Variants in NKAIN2 observed in about 807,000 individuals in gnomAD.
The protein encoded by NKAIN2 is sodium/potassium transporting ATPase interacting 2.
In NKAIN2, 14 loss-of-function variants were observed where a neutral mutation model predicts 32.6. The observed-to-expected ratio is 0.43, with a 90% CI of 0.28 to 0.67. The LOEUF is 0.67. Among genes scored for constraint, NKAIN2 ranks in the 30% least tolerant of loss-of-function variants. The pLI, the probability that NKAIN2 is intolerant of heterozygous loss-of-function variation, is 0.17. For synonymous variants in NKAIN2, 80 were observed against 87.2 expected (o/e 0.92, Z 0.46); for missense variants, 198 against 258.3 (o/e 0.77, Z 1.60).
chr6:124,628,487 A>G (rs546349355), intron 3 of NKAIN2, among the ~76,000 whole-genome samples: 75 of 152,204 alleles, frequency 4.9e-4, no homozygotes, highest in Admixed American at 4.9e-3. Flanking sequence ...AGCAATGGAG[A>G]TGTATTTAAA....
chr6:124,393,946 T>C (rs1773250064), intron 3 of NKAIN2, among the ~76,000 whole-genome samples: 1 of 152,122 alleles, frequency 6.6e-6, no homozygotes, highest in Non-Finnish European at 1.5e-5. Flanking sequence ...AATCCATTGA[T>C]TAAAGTTACA....
intron 3 of NKAIN2, among the ~76,000 whole-genome samples, chr6:124,514,765 G>GAA (rs546177544): frequency 0.11 from 12,125 of 110,224 alleles, 1,536 homozygotes; most frequent in African/African-American, 0.32. Context: ...CTTGGGTATT[G>GAA]AAAAAAAAAA....
intron 1 of NKAIN2, among the ~76,000 whole-genome samples, chr6:124,199,171 T>C (rs1243108087): frequency 2.0e-5 from 3 of 152,188 alleles, no homozygotes; most frequent in Admixed American, 1.3e-4. Context: ...GCACAAACAC[T>C]GGCGTGACAA....
intron 1 of NKAIN2, among the ~76,000 whole-genome samples, chr6:124,200,842 C>A (rs192256117): frequency 1.3e-5 from 2 of 151,906 alleles, no homozygotes; most frequent in Non-Finnish European, 2.9e-5. Flanking sequence ...TATAAATGTG[C>A]GGTTTGTATA....
intron 4 of NKAIN2, among the ~76,000 whole-genome samples, chr6:124,773,899 C>T (rs561509553): frequency 5.9e-5 from 9 of 152,128 alleles, no homozygotes; most frequent in African/African-American, 1.9e-4. Context: ...CTGCCATGGG[C>T]TTCTATTTTC....
At chr6:123,894,168 A>G (rs1017550728) in intron 1 of NKAIN2, among the ~76,000 whole-genome samples, 1 of 152,132 alleles carries the variant, frequency 6.6e-6, no homozygotes, top group African/African-American at 2.4e-5. Context: ...AGGTGTCTCA[A>G]AAATGGACAG....
intron 1 of NKAIN2, among the ~76,000 whole-genome samples, chr6:123,862,161 A>G (rs1234007361): frequency 6.6e-6 from 1 of 151,970 alleles, no homozygotes; most frequent in African/African-American, 2.4e-5. Context: ...AAAATGGGAG[A>G]ATTGTTTATT....
chr6:124,034,033 C>T (rs929064601), intron 1 of NKAIN2, among the ~76,000 whole-genome samples: 1 of 152,048 alleles, frequency 6.6e-6, no homozygotes, highest in African/African-American at 2.4e-5. Flanking sequence ...AATAATATTA[C>T]TGAGCCTGTA....
chr6:124,734,862 A>G (rs1054908929), intron 4 of NKAIN2, among the ~76,000 whole-genome samples: 5 of 151,964 alleles, frequency 3.3e-5, no homozygotes, highest in Non-Finnish European at 5.9e-5. Flanking sequence ...TACTTTACAT[A>G]TAGCATGTGC....
At chr6:124,138,823 G>C (rs1786977210) in intron 1 of NKAIN2, among the ~76,000 whole-genome samples, 1 of 150,408 alleles carries the variant, frequency 6.6e-6, no homozygotes, top group Non-Finnish European at 1.5e-5. Flanking sequence ...AGTAACTCAG[G>C]AATGGAAATC....
At chr6:124,168,970 A>G (rs554395624) in intron 1 of NKAIN2, among the ~76,000 whole-genome samples, 1 of 152,256 alleles carries the variant, frequency 6.6e-6, no homozygotes, top group South Asian at 2.1e-4. Flanking sequence ...CGTATATTTT[A>G]GTAAAGCTAG....
chr6:124,817,688 G>T (rs1781227084), intron 5 of NKAIN2, among the ~76,000 whole-genome samples: 4 of 152,148 alleles, frequency 2.6e-5, no homozygotes, highest in Admixed American at 2.6e-4. Context: ...AAGTCACATT[G>T]TAAAAACATA....
At chr6:124,239,729 G>A (rs1792971516) in intron 1 of NKAIN2, among the ~76,000 whole-genome samples, 1 of 152,090 alleles carries the variant, frequency 6.6e-6, no homozygotes, top group African/African-American at 2.4e-5. Flanking sequence ...TAGAATCTCT[G>A]GGACACAGTT....
chr6:124,748,658 A>G (rs1440688355), intron 4 of NKAIN2, among the ~76,000 whole-genome samples: 2 of 151,966 alleles, frequency 1.3e-5, no homozygotes, highest in South Asian at 4.1e-4. Context: ...ATTTCAACAT[A>G]AAGCGCAGAT....
At chr6:124,599,142 A>G (rs1431946102) in intron 3 of NKAIN2, among the ~76,000 whole-genome samples, 1 of 151,848 alleles carries the variant, frequency 6.6e-6, no homozygotes, top group Non-Finnish European at 1.5e-5. Context: ...GGAAAACCTA[A>G]TGATTACTTC....
intron 4 of NKAIN2, among the ~76,000 whole-genome samples, chr6:124,660,929 A>G (rs377346617): frequency 6.6e-6 from 1 of 152,198 alleles, no homozygotes. Context: ...CTGATCACTG[A>G]TGTAATGATT....
At chr6:124,795,356 G>T (rs75374247) in intron 5 of NKAIN2, among the ~76,000 whole-genome samples, 3,236 of 152,248 alleles carry the variant, frequency 0.021, 102 homozygotes, top group African/African-American at 0.072. Context: ...GAAAGAGGCA[G>T]AAACCTCCAG....
chr6:123,816,165 GA>G (rs1265839295), intron 1 of NKAIN2, among the ~76,000 whole-genome samples: 81 of 152,276 alleles, frequency 5.3e-4, no homozygotes, highest in African/African-American at 1.9e-3. Context: ...GTGGGACAAT[GA>G]AGGGTCCAGA....
intron 2 of NKAIN2, among the ~76,000 whole-genome samples, chr6:124,352,966 C>T (rs1798797322): frequency 6.6e-6 from 1 of 152,112 alleles, no homozygotes; most frequent in Admixed American, 6.6e-5. Flanking sequence ...TAGATGAAAC[C>T]AACTCCTTTA....
Sources: allele counts gnomAD v4.1 joint callset (sites outside exome capture counted in the v4.1 genomes callset), GRCh38; gene constraint gnomAD v4.1.1; transcripts MANE v1.5; gene names NCBI Gene and HGNC (gene_info 2026-07-23, HGNC 2026-07-21).